The following PLEKHH2 variants were observed in gnomAD, a reference collection of about 807,000 sequenced individuals.
PLEKHH2 encodes the protein pleckstrin homology, MyTH4 and FERM domain containing H2.
Under a neutral mutation model 187.9 loss-of-function variants are expected in PLEKHH2, and 129 were observed. The observed-to-expected ratio is 0.69, with a 90% CI of 0.59 to 0.79. The LOEUF (loss-of-function observed/expected upper bound fraction) is 0.79, where lower values mean the gene tolerates loss of function less well. PLEKHH2 is among the 30% of genes least tolerant of loss of function. The pLI is 0.00. For missense variants in PLEKHH2, 2,076 were observed against 1,751.2 expected, an observed-to-expected ratio of 1.19 and a Z score of -3.31; for synonymous variants, 686 against 605.6, an observed-to-expected ratio of 1.13 and a Z score of -1.95.
chr2:43,721,054 C>G (rs1390481101), intron 16 of PLEKHH2, among the ~76,000 whole-genome samples: 1 of 152,050 alleles, frequency 6.6e-6, no homozygotes, highest in Non-Finnish European at 1.5e-5. Flanking sequence ...TTCTTACAGA[C>G]CAGATAAGGT....
At chr2:43,690,529 T>C (rs971693879) in intron 3 of PLEKHH2, among the ~76,000 whole-genome samples, 2 of 152,216 alleles carry the variant, frequency 1.3e-5, no homozygotes, top group African/African-American at 2.4e-5. Flanking sequence ...AAAACCCTCA[T>C]TAGTCAAATA....
At chr2:43,760,960 G>A (rs187939280) in intron 27 of PLEKHH2, among the ~76,000 whole-genome samples, 4 of 152,286 alleles carry the variant, frequency 2.6e-5, no homozygotes, top group Admixed American at 2.6e-4. Flanking sequence ...TGTAACATGT[G>A]TCAAAATTTC....
At position 43,738,173 on chromosome 2, in the gene PLEKHH2, C is replaced by G. The variant is rs189046397; in HGVS notation, c.2944-168C>G. ...TTCCTTGCTCTGAAATCTGCTTTGT[C>G]TGCTATTATTGTGGCGATTCCAGAT... On this transcript the variant is annotated intron_variant, in intron 19 of 29. Transcript: ENST00000282406. 4.9e-3 allele frequency among the ~76,000 whole-genome samples: 743 copies of G among 152,262 alleles called. 2 individuals are homozygous for G. The highest frequency in any genetic ancestry group is 0.011 in the Admixed American group (169 of 15,288).
At chr2:43,741,107 A>G in intron 21 of PLEKHH2, 64 bp downstream of exon 21, 3 of 1,422,702 alleles carry the variant, frequency 2.1e-6, no homozygotes, top group Non-Finnish European at 2.9e-6. Context: ...ATAAATCATA[A>G]GTATTTAACG....
chr2:43,690,804 C>A (rs1363706041), intron 3 of PLEKHH2, among the ~76,000 whole-genome samples: 1 of 152,200 alleles, frequency 6.6e-6, no homozygotes, highest in Non-Finnish European at 1.5e-5. Flanking sequence ...TTATTTGGAT[C>A]TCCTTGTGAA....
At position 43,711,482 on chromosome 2, in the gene PLEKHH2, ATCT is replaced by A. The variant is rs940433035; in HGVS notation, c.2302-738_2302-736del. On this transcript the variant is annotated intron_variant, in intron 14 of 29. Transcript: ENST00000282406. ...AATAATTTATCTTCTTATATGCAAGATCTTCTTATTTTATTTATAGTTGATTTT... is the reference window on the plus strand; with the variant it reads ...AATAATTTATCTTCTTATATGCAAGATCTTATTTTATTTATAGTTGATTTT... The A allele has an allele frequency of 1.2e-4, 114 of 956,670 alleles. 1 individual carries two copies. In the African/African-American group the frequency reaches 1.8e-3, roughly 15 times the overall value. 59.3% of individuals were successfully genotyped at this position (956,670 alleles called of 1,614,324 possible). A position where few individuals can be genotyped will look rare whatever the true frequency, so the allele number is the denominator to read the frequency against.
chr2:43,656,066 C>A (rs1414835594), intron 2 of PLEKHH2, among the ~76,000 whole-genome samples: 3 of 151,658 alleles, frequency 2.0e-5, no homozygotes, highest in African/African-American at 7.3e-5. Context: ...TCAAGTGATT[C>A]TTATGCCTCA....
chr2:43,707,888 C>T (rs1264285948), intron 11 of PLEKHH2, among the ~76,000 whole-genome samples: 1 of 152,098 alleles, frequency 6.6e-6, no homozygotes, highest in Non-Finnish European at 1.5e-5. Flanking sequence ...ACACTGCTAA[C>T]TGGCAGAAAA....
intron 1 of PLEKHH2, among the ~76,000 whole-genome samples, chr2:43,639,222 T>A (rs1403235754): frequency 6.6e-6 from 1 of 152,236 alleles, no homozygotes; most frequent in East Asian, 1.9e-4. Context: ...ACTGCGACTT[T>A]TTCTTTAGTC....
chr2:43,692,623 A>G lies in PLEKHH2; in HGVS notation c.296A>G (p.Asp99Gly), dbSNP rs1166505546. The G allele has an allele frequency of 1.2e-6, 2 of 1,613,480 alleles. No individual in the cohort carries two copies. Among genetic ancestry groups the G allele is most frequent in the Admixed American group, 3.3e-5 (2 of 59,904 alleles). Residue 99 changes from aspartate to glycine, a missense_variant, in exon 4 of 30, where the codon GAT becomes GGT. Transcript: ENST00000282406. ...QDLESLIQEK[D>G]DVIQNLELQL... The stretch of plus-strand genomic sequence containing the variant: ...CTGGAGTCGCTAATACAGGAAAAAG[A>G]TGACGTCATTCAAAACTTGGAATTG...
chr2:43,673,323 A>G (rs780642531), intron 2 of PLEKHH2, among the ~76,000 whole-genome samples: 2 of 152,212 alleles, frequency 1.3e-5, no homozygotes, highest in Non-Finnish European at 2.9e-5. Context: ...ATATATTTAG[A>G]TAATCCTGTT....
At chr2:43,727,625 T>C (rs1354759486) in intron 17 of PLEKHH2, among the ~76,000 whole-genome samples, 1 of 152,194 alleles carries the variant, frequency 6.6e-6, no homozygotes, top group African/African-American at 2.4e-5. Flanking sequence ...TTACTATTGA[T>C]CATTGTTTTT....
Position 43,736,455 on chromosome 2 carries a change from A to C in PLEKHH2, c.2944-1886A>C, listed in dbSNP as rs146904815. Among the ~76,000 whole-genome samples, 785 of 152,294 alleles carry C rather than the reference A, an allele frequency of 5.2e-3. 10 individuals are homozygous for C. Among genetic ancestry groups the C allele is most frequent in the African/African-American group, 0.018 (755 of 41,554 alleles). On this transcript the variant is annotated intron_variant, in intron 19 of 29. Coordinates refer to ENST00000282406, the MANE Select transcript of PLEKHH2 (RefSeq NM_172069.4). ...CTGGAGAGATTCAAGACTGCTGTGCAGAGAGGGAGCACCCAAATAGAGCCT... is the reference window on the plus strand; with the variant it reads ...CTGGAGAGATTCAAGACTGCTGTGCCGAGAGGGAGCACCCAAATAGAGCCT...
rs764148550 is a variant in PLEKHH2 at position 43,764,334 on chromosome 2, A to G, written c.4265A>G (p.Glu1422Gly). 5 of 1,612,838 alleles carry G rather than the reference A, an allele frequency of 3.1e-6. No homozygotes were observed. In the Admixed American group the frequency reaches 8.4e-5, roughly 27 times the overall value. The change falls in exon 29 of 30, where the codon GAG becomes GGG. Residue 1422 changes from glutamate to glycine, a missense_variant. Coordinates refer to ENST00000282406, the MANE Select transcript of PLEKHH2 (RefSeq NM_172069.4). The part of the protein sequence containing the change: ...NNTHSKDKPT[E>G]KLLFAMAKPK... ...ACACATTCAAAGGACAAACCAACAG[A>G]GAAATTACTTTTTGCCATGGCAAAA...
chr2:43,676,350 G>T, intron 2 of PLEKHH2: 1 of 1,540,452 alleles, frequency 6.5e-7, no homozygotes, highest in Admixed American at 2.0e-5. Flanking sequence ...AGTGTGCCAG[G>T]GTCAAAGGCA....
At chr2:43,692,862 C>T (rs1276902411) in intron 4 of PLEKHH2, among the ~76,000 whole-genome samples, 199 bp downstream of exon 4, 1 of 152,150 alleles carries the variant, frequency 6.6e-6, no homozygotes, top group African/African-American at 2.4e-5. Flanking sequence ...GATTCCAAGG[C>T]AAGATCTAAC....
At chr2:43,760,328 A>AAAATACAC (rs1672372191) in intron 27 of PLEKHH2, among the ~76,000 whole-genome samples, 2 of 151,678 alleles carry the variant, frequency 1.3e-5, no homozygotes, top group Non-Finnish European at 2.9e-5. Flanking sequence ...TGTGTGTGGT[A>AAAATACAC]AAATACACAT....
At chr2:43,702,009 T>G (rs1669396504) in intron 8 of PLEKHH2, among the ~76,000 whole-genome samples, 1 of 152,200 alleles carries the variant, frequency 6.6e-6, no homozygotes, top group Non-Finnish European at 1.5e-5. Flanking sequence ...CTTCAGGTGA[T>G]CCACCCACCT....
chr2:43,699,068 T>A (rs1170348275), intron 7 of PLEKHH2, among the ~76,000 whole-genome samples: 1 of 152,162 alleles, frequency 6.6e-6, no homozygotes, highest in African/African-American at 2.4e-5. Flanking sequence ...TCTAAATATT[T>A]AGTTGAAAGG....
Sources: allele counts gnomAD v4.1 joint callset (sites outside exome capture counted in the v4.1 genomes callset), GRCh38; gene constraint gnomAD v4.1.1; transcripts MANE v1.5; gene names NCBI Gene and HGNC (gene_info 2026-07-23, HGNC 2026-07-21).